Variants in PARD3B observed in about 807,000 individuals in gnomAD.
The protein encoded by PARD3B is par-3 family cell polarity regulator beta, also known as partitioning defective 3 homolog B.
In PARD3B, 103 loss-of-function variants were observed where a neutral mutation model predicts 130.2. The observed-to-expected ratio is 0.79, with a 90% CI of 0.67 to 0.93. The LOEUF (loss-of-function observed/expected upper bound fraction) is 0.93. Among genes scored for constraint, PARD3B ranks in the 40% least tolerant of loss-of-function variants. The pLI is 0.00. For missense variants in PARD3B, 1,609 were observed against 1,499.2 expected, an observed-to-expected ratio of 1.07 and a Z score of -1.21; for synonymous variants, 583 against 553.2, an observed-to-expected ratio of 1.05 and a Z score of -0.76.
intron 5 of PARD3B, among the ~76,000 whole-genome samples, chr2:205,106,481 ATGTGTGTGTGTGTGTGTGTGTGTGTG>A (rs202186761): frequency 2.7e-5 from 4 of 146,916 alleles, no homozygotes; most frequent in East Asian, 2.0e-4. Context: ...TAAGAAATGT[ATGTGTGTGTGTGTGTGTGTGTGTGTG>A]TGTGTGTGTG....
chr2:205,195,217 C>T (rs1176428812), intron 15 of PARD3B, among the ~76,000 whole-genome samples: 1 of 151,976 alleles, frequency 6.6e-6, no homozygotes. Flanking sequence ...TATACATATG[C>T]CATAAATGAC....
intron 2 of PARD3B, among the ~76,000 whole-genome samples, chr2:204,867,882 G>A (rs1215979509): frequency 6.6e-6 from 1 of 152,180 alleles, no homozygotes; most frequent in Non-Finnish European, 1.5e-5. Context: ...CAAATGGGAA[G>A]TGTTTGAAAT....
chr2:204,797,872 G>A (rs1198258760), intron 2 of PARD3B, among the ~76,000 whole-genome samples: 1 of 152,082 alleles, frequency 6.6e-6, no homozygotes, highest in Admixed American at 6.5e-5. Flanking sequence ...AACGCAATTT[G>A]AAATCACATT....
chr2:205,607,810 G>C (rs1466645000), intron 22 of PARD3B, among the ~76,000 whole-genome samples: 1 of 141,666 alleles, frequency 7.1e-6, no homozygotes, highest in Admixed American at 7.3e-5. Context: ...ATGACATGGA[G>C]GCCCTCTCCC....
chr2:205,094,643 T>G (rs964465725), intron 4 of PARD3B, among the ~76,000 whole-genome samples: 2 of 152,140 alleles, frequency 1.3e-5, no homozygotes, highest in African/African-American at 4.8e-5. Flanking sequence ...TGCAGCACAT[T>G]TTCATCCTGA....
intron 10 of PARD3B, among the ~76,000 whole-genome samples, chr2:205,140,321 G>A (rs924578443): frequency 1.3e-5 from 2 of 152,116 alleles, no homozygotes; most frequent in African/African-American, 2.4e-5. Context: ...TAAATCCACA[G>A]ATAAAAAGCA....
chr2:205,149,245 C>T (rs1021746461), intron 10 of PARD3B, among the ~76,000 whole-genome samples: 4 of 152,048 alleles, frequency 2.6e-5, no homozygotes, highest in Non-Finnish European at 5.9e-5. Flanking sequence ...ACCAGGTAGA[C>T]TCTTCAGTTT....
intron 2 of PARD3B, among the ~76,000 whole-genome samples, chr2:204,888,037 G>T (rs1330271393): frequency 2.6e-5 from 4 of 152,154 alleles, no homozygotes; most frequent in Admixed American, 2.0e-4. Flanking sequence ...GGGTGCAGGA[G>T]AGAGGTGAGC....
intron 16 of PARD3B, among the ~76,000 whole-genome samples, chr2:205,277,190 G>A (rs944186010): frequency 6.6e-6 from 1 of 152,318 alleles, no homozygotes; most frequent in Middle Eastern, 3.4e-3. Flanking sequence ...CTTCATCACT[G>A]CCTTCAAAAA....
At chr2:205,489,894 C>T (rs1305226067) in intron 20 of PARD3B, among the ~76,000 whole-genome samples, 2 of 152,034 alleles carry the variant, frequency 1.3e-5, no homozygotes, top group African/African-American at 4.8e-5. Flanking sequence ...CCTTGCATTG[C>T]CCCAAGTGAT....
intron 3 of PARD3B, among the ~76,000 whole-genome samples, chr2:205,030,009 C>T (rs1040453116): frequency 6.6e-6 from 1 of 152,106 alleles, no homozygotes; most frequent in African/African-American, 2.4e-5. Flanking sequence ...ATTGATTTTG[C>T]ATTGCAAGCC....
At chr2:204,753,248 T>C (rs2040534900) in intron 2 of PARD3B, among the ~76,000 whole-genome samples, 1 of 152,200 alleles carries the variant, frequency 6.6e-6, no homozygotes, top group African/African-American at 2.4e-5. Context: ...AGTCATGTTT[T>C]TGTTGCTTAA....
intron 2 of PARD3B, among the ~76,000 whole-genome samples, chr2:204,823,879 G>A (rs1051535971): frequency 6.6e-6 from 1 of 151,378 alleles, no homozygotes; most frequent in Non-Finnish European, 1.5e-5. Context: ...GGCAGAGGTT[G>A]CAGTGAGCCG....
At chr2:205,267,506 C>G (rs1459795844) in intron 16 of PARD3B, among the ~76,000 whole-genome samples, 3 of 150,318 alleles carry the variant, frequency 2.0e-5, no homozygotes, top group Non-Finnish European at 4.5e-5. Flanking sequence ...AAGGATTTGG[C>G]TTGAGCTTCA....
intron 11 of PARD3B, among the ~76,000 whole-genome samples, chr2:205,161,810 T>C (rs575829919): frequency 7.9e-4 from 120 of 152,374 alleles, no homozygotes; most frequent in Non-Finnish European, 1.4e-3. Flanking sequence ...TCGCCCTTCA[T>C]ACCACTAATT....
intron 15 of PARD3B, among the ~76,000 whole-genome samples, chr2:205,206,668 A>T (rs554169006): frequency 1.3e-5 from 2 of 151,894 alleles, no homozygotes; most frequent in African/African-American, 4.8e-5. Flanking sequence ...ATAATGCCGC[A>T]ATAAACATAC....
At chr2:205,186,329 G>T (rs1300367877) in intron 14 of PARD3B, among the ~76,000 whole-genome samples, 1 of 151,902 alleles carries the variant, frequency 6.6e-6, no homozygotes, top group African/African-American at 2.4e-5. Flanking sequence ...ATTGAAGAGG[G>T]TACCCAATAT....
chr2:205,408,770 G>T (rs1396349512), intron 19 of PARD3B, among the ~76,000 whole-genome samples: 2 of 152,104 alleles, frequency 1.3e-5, no homozygotes, highest in African/African-American at 2.4e-5. Flanking sequence ...ACATACACAT[G>T]ATTAATTCAG....
At chr2:204,843,525 G>T (rs867550164) in intron 2 of PARD3B, among the ~76,000 whole-genome samples, 2 of 151,990 alleles carry the variant, frequency 1.3e-5, no homozygotes, top group South Asian at 2.1e-4. Context: ...GAGTAGCTGG[G>T]ACTACAGGTT....
Sources: allele counts gnomAD v4.1 joint callset (sites outside exome capture counted in the v4.1 genomes callset), GRCh38; gene constraint gnomAD v4.1.1; transcripts MANE v1.5; gene names NCBI Gene and HGNC (gene_info 2026-07-23, HGNC 2026-07-21).